The following FZD3 variants were observed in gnomAD, a reference collection of about 807,000 sequenced individuals.
FZD3 encodes frizzled-3.
FZD3 carries 30 observed loss-of-function variants against 60.7 expected under a neutral mutation model. The observed-to-expected ratio is 0.49, with a 90% CI of 0.37 to 0.67. FZD3 has a LOEUF of 0.67. Among genes scored for constraint, FZD3 ranks in the 30% least tolerant of loss-of-function variants. The probability of loss-of-function intolerance (pLI) is 0.00; values close to 1 mark genes in which losing one functional copy is unlikely to be tolerated. For synonymous variants in FZD3, 246 were observed against 275.2 expected (o/e 0.89, Z 1.05); for missense variants, 605 against 838.7 (o/e 0.72, Z 3.44).
chr8:28,554,470 C>T (rs185946826), intron 6 of FZD3, among the ~76,000 whole-genome samples: 1 of 152,228 alleles, frequency 6.6e-6, no homozygotes, highest in Admixed American at 6.5e-5. Context: ...TATATGTAAA[C>T]ACTGTTTTAT....
Position 28,568,359 on chromosome 8 carries a change from C to T in FZD3, c.*5348C>T, listed in dbSNP as rs577214663. On this transcript the variant is annotated 3_prime_UTR_variant, in exon 8 of 8. Transcript: ENST00000240093. ...TCTCTTCATAATTTAATTCTCTTCT[C>T]TCCTTCTTTTGTTCCGATTAGATGA... 6.6e-6 allele frequency: 1 copy of T among 152,238 alleles called. No homozygotes were observed. The highest frequency in any genetic ancestry group is 1.9e-4 in the East Asian group (1 of 5,182). The allele number at this position is 152,238 out of a possible 1,614,324, so 9.4% of individuals were successfully genotyped here.
At chr8:28,544,832 G>A (rs1416838931) in intron 5 of FZD3, among the ~76,000 whole-genome samples, 1 of 152,180 alleles carries the variant, frequency 6.6e-6, no homozygotes, top group Non-Finnish European at 1.5e-5. Context: ...TTAAAGAAAA[G>A]GAATTTATTT....
chr8:28,496,304 C>T (rs1357065323), intron 1 of FZD3, among the ~76,000 whole-genome samples: 2 of 152,116 alleles, frequency 1.3e-5, no homozygotes, highest in Non-Finnish European at 2.9e-5. Flanking sequence ...ATAGTCAAAA[C>T]TTTTTCTGAG....
At chr8:28,546,165 C>G (rs1805288463) in intron 5 of FZD3, among the ~76,000 whole-genome samples, 1 of 152,324 alleles carries the variant, frequency 6.6e-6, no homozygotes, top group East Asian at 1.9e-4. Context: ...TCACTCAGAA[C>G]ATATCCCTGT....
chr8:28,543,178 T>C (rs1014742554), intron 5 of FZD3, among the ~76,000 whole-genome samples: 2 of 152,258 alleles, frequency 1.3e-5, no homozygotes, highest in African/African-American at 4.8e-5. Context: ...CTTTATCTTT[T>C]TTCATTACAA....
chr8:28,496,869 G>C (rs553043857), intron 1 of FZD3, among the ~76,000 whole-genome samples: 1 of 152,264 alleles, frequency 6.6e-6, no homozygotes, highest in African/African-American at 2.4e-5. Flanking sequence ...TAATTCTGTA[G>C]TCAAAGCATG....
In FZD3 at chr8:28,564,383, TG is replaced by T. The variant is rs2130481285; in HGVS notation, c.*1375del. On this transcript the variant is annotated 3_prime_UTR_variant, in exon 8 of 8. Transcript: ENST00000240093. The stretch of plus-strand genomic sequence containing the variant: ...ACCCTGACTGCAGATAAGAATCACT[TG>T]GGTTACTTCAGATGCCTAACACCTT... 1 of 150,046 alleles carries T rather than the reference TG, an allele frequency of 6.7e-6. No individual in the cohort carries two copies. Among genetic ancestry groups the T allele is most frequent in the African/African-American group, 2.4e-5 (1 of 40,880 alleles). 9.3% of individuals were successfully genotyped at this position (150,046 alleles called of 1,614,324 possible). A position where few individuals can be genotyped will look rare whatever the true frequency, so the allele number is the denominator to read the frequency against.
At position 28,570,624 on chromosome 8, in the gene FZD3, CAAAAAAAAA is replaced by C. The variant is rs537672856; in HGVS notation, c.*7618_*7626del. On this transcript the variant is annotated 3_prime_UTR_variant, in exon 8 of 8. Transcript: ENST00000240093. ...TGGGCAACGGAGCGAGACTCTATCTCAAAAAAAAAAAAAGAAAAAAAAAAAAGTAGAGAT... is the reference window on the plus strand; with the variant it reads ...TGGGCAACGGAGCGAGACTCTATCTCAAAAGAAAAAAAAAAAAGTAGAGAT... 9.6e-6 allele frequency: 1 copy of C among 103,748 alleles called. No homozygotes were observed. The highest frequency in any genetic ancestry group is 2.0e-5 in the Non-Finnish European group (1 of 49,260). 6.4% of individuals were successfully genotyped at this position (103,748 alleles called of 1,614,324 possible). A position where few individuals can be genotyped will look rare whatever the true frequency, so the allele number is the denominator to read the frequency against.
intron 5 of FZD3, among the ~76,000 whole-genome samples, chr8:28,536,056 T>C (rs1314827811): frequency 6.6e-6 from 1 of 152,210 alleles, no homozygotes. Flanking sequence ...CAATGAAGAT[T>C]AAATGAGAAA....
At chr8:28,556,542 G>A (rs961536202) in intron 7 of FZD3, among the ~76,000 whole-genome samples, 1 of 152,208 alleles carries the variant, frequency 6.6e-6, no homozygotes, top group South Asian at 2.1e-4. Flanking sequence ...TGTTATTATT[G>A]TAATTGACAA....
At chr8:28,496,594 G>A (rs1473625393) in intron 1 of FZD3, among the ~76,000 whole-genome samples, 2 of 152,102 alleles carry the variant, frequency 1.3e-5, no homozygotes, top group African/African-American at 2.4e-5. Context: ...AGAGTCTCGA[G>A]GAAAGACATT....
chr8:28,557,410 T>C (rs1805531389), intron 7 of FZD3, among the ~76,000 whole-genome samples: 1 of 152,154 alleles, frequency 6.6e-6, no homozygotes, highest in African/African-American at 2.4e-5. Flanking sequence ...TCCACAGCTG[T>C]TTCTATCCTG....
In FZD3 at chr8:28,555,760, G is replaced by A. The variant is rs1585192968; in HGVS notation, c.1576G>A (p.Val526Ile). 6.2e-7 allele frequency: 1 copy of A among 1,609,996 alleles called. No homozygotes were observed. The highest frequency in any genetic ancestry group is 1.1e-5 in the South Asian group (1 of 91,002). The change falls in exon 7 of 8, where the codon GTA (valine) becomes ATA (isoleucine). Residue 526 changes from valine to isoleucine, a missense_variant. Coordinates refer to ENST00000240093, the MANE Select transcript of FZD3 (RefSeq NM_017412.4). ...KKEIVNESRQVLQEPDFAQSL... is the reference protein window; with the variant it reads ...KKEIVNESRQILQEPDFAQSL... ...TAGGATAGTGAATGAGAGCCGACAG[G>A]TACTCCAGGAACCTGATTTTGCTCA...
intron 1 of FZD3, among the ~76,000 whole-genome samples, chr8:28,498,193 C>G (rs112696973): frequency 1.1e-3 from 175 of 152,226 alleles, no homozygotes; most frequent in African/African-American, 4.1e-3. Flanking sequence ...ATACAAAGGG[C>G]GTGAGCAACT....
At chr8:28,497,769 A>G (rs1330065978) in intron 1 of FZD3, among the ~76,000 whole-genome samples, 5 of 152,080 alleles carry the variant, frequency 3.3e-5, no homozygotes, top group African/African-American at 1.2e-4. Context: ...ACAAGCCCTT[A>G]GGGCCCTCTT....
rs1461100768 is a variant in FZD3, at chr8:28,527,908, T to C, written c.1148T>C (p.Val383Ala). ...GTTCTTGCTCCCCTCTGCCTGTATG[T>C]GGTAGTTGGGGTTTCTCTCCTCTTA... ...YFVLAPLCLY[V>A]VVGVSLLLAG... Residue 383 changes from valine (V) to alanine (A), a missense_variant, in exon 5 of 8, where the codon GTG becomes GCG. Coordinates refer to ENST00000240093, the MANE Select transcript of FZD3 (RefSeq NM_017412.4). This position sits in a 1 kb window ranked among gnomAD's most constrained non-coding sequence, Gnocchi z 5.0. 1 of 1,614,058 alleles carries C rather than the reference T, an allele frequency of 6.2e-7. No individual in the cohort carries two copies. The highest frequency in any genetic ancestry group is 1.1e-5 in the South Asian group (1 of 91,084).
chr8:28,530,077 A>C (rs914780637), intron 5 of FZD3, among the ~76,000 whole-genome samples: 3 of 150,004 alleles, frequency 2.0e-5, no homozygotes, highest in Non-Finnish European at 4.4e-5. Context: ...TTTGAGCTAC[A>C]CTGAAATATA....
chr8:28,507,717 A>G (rs1280720166), intron 3 of FZD3, among the ~76,000 whole-genome samples: 2 of 151,900 alleles, frequency 1.3e-5, no homozygotes, highest in African/African-American at 2.4e-5. Flanking sequence ...GTTGATTCCC[A>G]AGCATCCATC....
In FZD3 at chr8:28,563,230, C is replaced by T. The variant is rs1013838900; in HGVS notation, c.*219C>T. The T allele has an allele frequency of 1.6e-5, 8 of 510,628 alleles. No individual in the cohort carries two copies. The highest frequency in any genetic ancestry group is 3.9e-5 in the African/African-American group (2 of 51,862). 31.6% of individuals were successfully genotyped at this position (510,628 alleles called of 1,614,324 possible). On this transcript the variant is annotated 3_prime_UTR_variant, in exon 8 of 8. Coordinates refer to ENST00000240093, the MANE Select transcript of FZD3 (RefSeq NM_017412.4). Reference sequence around the variant, plus strand: ...GAATTCTATCATCACAAAAATAATTCGTCTTTCTAGGTTATGAAGAGATAA... The same window carrying T: ...GAATTCTATCATCACAAAAATAATTTGTCTTTCTAGGTTATGAAGAGATAA...
Sources: allele counts gnomAD v4.1 joint callset (sites outside exome capture counted in the v4.1 genomes callset), GRCh38; gene constraint gnomAD v4.1.1; non-coding constraint Gnocchi (gnomAD v3.1); transcripts MANE v1.5; gene names NCBI Gene and HGNC (gene_info 2026-07-23, HGNC 2026-07-21).